The following SCEL variants were observed in gnomAD, a reference collection of about 807,000 sequenced individuals.
SCEL encodes the protein sciellin.
SCEL carries 113 observed loss-of-function variants against 117.6 expected under a neutral mutation model. The ratio of observed to expected loss-of-function variants is 0.96; its 90% CI spans 0.83 to 1.12. SCEL has a LOEUF of 1.12. Ranked by LOEUF, SCEL falls within the 50% of genes most tolerant of loss-of-function variation. SCEL has a pLI of 0.00. For synonymous variants in SCEL, 270 were observed against 256.2 expected (o/e 1.05, Z -0.51); for missense variants, 785 against 810.8 (o/e 0.97, Z 0.39).
chr13:77,576,829 G>T (rs1408332343), intron 9 of SCEL, among the ~76,000 whole-genome samples: 1 of 152,132 alleles, frequency 6.6e-6, no homozygotes, highest in African/African-American at 2.4e-5. Flanking sequence ...GTGGTTTGTA[G>T]TTCTCCTTGA....
intron 18 of SCEL, among the ~76,000 whole-genome samples, chr13:77,603,767 C>G (rs2087901966): frequency 6.6e-6 from 1 of 152,128 alleles, no homozygotes; most frequent in African/African-American, 2.4e-5. Context: ...GCTGTTTTTT[C>G]TTGCCCTTTT....
intron 29 of SCEL, among the ~76,000 whole-genome samples, chr13:77,634,974 T>C (rs953810596): frequency 6.6e-6 from 1 of 152,226 alleles, no homozygotes; most frequent in African/African-American, 2.4e-5. Flanking sequence ...ATAATTCATT[T>C]GGTTTTCAAG....
At chr13:77,586,081 T>C (rs2154399498) in intron 9 of SCEL, among the ~76,000 whole-genome samples, 1 of 152,258 alleles carries the variant, frequency 6.6e-6, no homozygotes, top group East Asian at 1.9e-4. Context: ...GTTGGAGTCA[T>C]CTGAAGGTCT....
chr13:77,631,960 A>C (rs1321041350), intron 28 of SCEL, among the ~76,000 whole-genome samples: 1 of 152,198 alleles, frequency 6.6e-6, no homozygotes, highest in East Asian at 1.9e-4. Flanking sequence ...GGCCTCTCTT[A>C]CTGGCTTGCA....
At position 77,617,985 on chromosome 13, in the gene SCEL, C is replaced by T. The variant is rs768603593; in HGVS notation, c.1572-19C>T. The T allele has an allele frequency of 3.1e-6, 5 of 1,607,724 alleles. No individual in the cohort carries two copies. The highest frequency in any genetic ancestry group is 2.2e-5 in the South Asian group (2 of 90,826). On this transcript the variant is annotated intron_variant, in intron 26 of 32. Coordinates refer to ENST00000349847, the MANE Select transcript of SCEL (RefSeq NM_144777.3). ...ATCTATTACCAATCTGAACTTTTTT[C>T]TCTCTCTCTTTTAAACAGCCAAGAC...
intron 32 of SCEL, among the ~76,000 whole-genome samples, chr13:77,643,583 G>T (rs1364379279): frequency 6.6e-6 from 1 of 152,042 alleles, no homozygotes; most frequent in Admixed American, 6.6e-5. Flanking sequence ...ACTTTTTCCT[G>T]CTGTCTTGTT....
intron 9 of SCEL, among the ~76,000 whole-genome samples, chr13:77,574,967 A>G (rs2154398052): frequency 6.6e-6 from 1 of 152,066 alleles, no homozygotes; most frequent in Middle Eastern, 3.4e-3. Flanking sequence ...TCACCACCTA[A>G]TCTTTCCCTG....
intron 11 of SCEL, 59 bp downstream of exon 11, chr13:77,591,519 A>G: frequency 1.0e-6 from 1 of 987,962 alleles, no homozygotes; most frequent in Non-Finnish European, 1.5e-6. Context: ...ATGCTTTCTC[A>G]GCACATTAAA....
At position 77,644,390 on chromosome 13, in the gene SCEL, AAAAT is replaced by A; in HGVS notation, c.*117_*120del. 9.7e-7 allele frequency: 1 copy of A among 1,026,598 alleles called. No homozygotes were observed. Among genetic ancestry groups the A allele is most frequent in the Non-Finnish European group, 1.5e-6 (1 of 681,734 alleles). The allele number at this position is 1,026,598 out of a possible 1,614,324, so 63.6% of individuals were successfully genotyped here. ...TCACATTGAAGATCAACTCTTGTACAAAATTAACAATTCTGTTATTGCATAAGTA... is the reference window on the plus strand; with the variant it reads ...TCACATTGAAGATCAACTCTTGTACATAACAATTCTGTTATTGCATAAGTA... On this transcript the variant is annotated 3_prime_UTR_variant, in exon 33 of 33. Transcript: ENST00000349847.
intron 21 of SCEL, among the ~76,000 whole-genome samples, chr13:77,609,452 G>A (rs1237253215): frequency 2.6e-5 from 4 of 152,168 alleles, no homozygotes; most frequent in Non-Finnish European, 5.9e-5. Flanking sequence ...TGTGGGTCTA[G>A]GCCTGTCTCT....
At position 77,593,300 on chromosome 13, in the gene SCEL, G is replaced by C. The variant is rs867470234; in HGVS notation, c.693-214G>C. The stretch of plus-strand genomic sequence containing the variant: ...TGTGTGTGTGTGTGTGTGTGTGTCT[G>C]TGTGTGTGTGTGTGTGTGTCAGTGG... On this transcript the variant is annotated intron_variant, in intron 11 of 32. Transcript: ENST00000349847. 7.3e-3 allele frequency among the ~76,000 whole-genome samples: 1,053 copies of C among 145,190 alleles called. 10 individuals are homozygous for C. Among genetic ancestry groups the C allele is most frequent in the South Asian group, 0.013 (57 of 4,560 alleles).
intron 4 of SCEL, among the ~76,000 whole-genome samples, chr13:77,561,787 C>G (rs2084992434): frequency 6.6e-6 from 1 of 152,108 alleles, no homozygotes; most frequent in African/African-American, 2.4e-5. Context: ...TCAGAGATCT[C>G]ACCAAGGAGG....
At chr13:77,618,763 GA>G (rs147554202) in intron 27 of SCEL, among the ~76,000 whole-genome samples, 3,711 of 152,144 alleles carry the variant, frequency 0.024, 150 homozygotes, top group East Asian at 0.13. Context: ...ATTAAATAAG[GA>G]AAAAAGATAT....
intron 15 of SCEL, among the ~76,000 whole-genome samples, 198 bp from the exon 16 acceptor site, chr13:77,601,867 G>T (rs2087727373): frequency 1.3e-5 from 2 of 152,182 alleles, no homozygotes; most frequent in African/African-American, 4.8e-5. Context: ...TCAGGCTGCT[G>T]CTTATGCATT....
chr13:77,602,901 C>T (rs775034891), intron 17 of SCEL, 175 bp from the exon 18 acceptor site: 6 of 625,774 alleles, frequency 9.6e-6, no homozygotes, highest in South Asian at 2.4e-5. Flanking sequence ...CCAATAAAAT[C>T]CTAAGGATTA....
chr13:77,614,288 ATAAT>A (rs925939045), intron 24 of SCEL, among the ~76,000 whole-genome samples: 76 of 152,272 alleles, frequency 5.0e-4, no homozygotes, highest in African/African-American at 1.8e-3. Context: ...GAAATTGATG[ATAAT>A]TTATTAATGG....
intron 3 of SCEL, 110 bp downstream of exon 3, chr13:77,556,823 T>C: frequency 1.3e-6 from 1 of 765,288 alleles, no homozygotes; most frequent in Non-Finnish European, 2.2e-6. Context: ...TGAAACACTT[T>C]GTTGCATGGT....
chr13:77,637,361 T>TAC (rs2090345728), intron 30 of SCEL, among the ~76,000 whole-genome samples, 167 bp downstream of exon 30: 1 of 146,286 alleles, frequency 6.8e-6, no homozygotes, highest in African/African-American at 2.5e-5. Flanking sequence ...TATAAACATA[T>TAC]ATACATATAT....
chr13:77,558,561 C>G (rs1026735625), intron 3 of SCEL, among the ~76,000 whole-genome samples: 6 of 152,040 alleles, frequency 3.9e-5, no homozygotes. Context: ...CTCCTGTTAT[C>G]CCAGCACTTT....
Sources: gnomAD v4.1 joint callset for allele counts (sites outside exome capture counted in the v4.1 genomes callset) on GRCh38, gnomAD v4.1.1 for gene constraint, MANE v1.5 for transcripts, NCBI Gene and HGNC (gene_info 2026-07-23, HGNC 2026-07-21) for gene names.